Variants in PREP observed in about 807,000 individuals in gnomAD.
PREP encodes prolyl endopeptidase.
Under a neutral mutation model 87.6 loss-of-function variants are expected in PREP, and 29 were observed. The ratio of observed to expected loss-of-function variants is 0.33; its 90% CI spans 0.25 to 0.45. The LOEUF is 0.45. PREP is among the 20% of genes least tolerant of loss of function. PREP has a pLI of 1.00. For synonymous variants in PREP, 337 were observed against 328.6 expected, an observed-to-expected ratio of 1.03 and a Z score of -0.28; for missense variants, 695 against 886.5, an observed-to-expected ratio of 0.78 and a Z score of 2.74.
At chr6:105,370,947 A>G (rs558087384) in intron 5 of PREP, among the ~76,000 whole-genome samples, 13 of 152,350 alleles carry the variant, frequency 8.5e-5, no homozygotes, top group Non-Finnish European at 1.8e-4. Context: ...CACTGGATAC[A>G]TGTCACTATA....
At chr6:105,368,794 C>T in intron 6 of PREP, 109 bp downstream of exon 6, 1 of 1,288,292 alleles carries the variant, frequency 7.8e-7, no homozygotes, top group South Asian at 1.6e-5. Context: ...AAAGAATATT[C>T]ACTCATGGGA....
intron 7 of PREP, among the ~76,000 whole-genome samples, chr6:105,352,539 C>T (rs1187471169): frequency 6.6e-6 from 1 of 152,108 alleles, no homozygotes; most frequent in Non-Finnish European, 1.5e-5. Context: ...ATTTTAAAGA[C>T]AGGGTCTGGC....
intron 7 of PREP, among the ~76,000 whole-genome samples, chr6:105,341,538 A>C (rs1433586842): frequency 1.3e-5 from 2 of 152,250 alleles, no homozygotes; most frequent in Non-Finnish European, 1.5e-5. Context: ...AATTAAGATC[A>C]GAGAAGAACT....
intron 12 of PREP, 94 bp downstream of exon 12, chr6:105,285,392 T>G (rs1770170709): frequency 7.7e-7 from 1 of 1,303,414 alleles, no homozygotes. Context: ...GCTTTCCTGC[T>G]CCAAACCCCT....
At chr6:105,315,455 G>A (rs544124649) in intron 10 of PREP, among the ~76,000 whole-genome samples, 1 of 152,304 alleles carries the variant, frequency 6.6e-6, no homozygotes, top group East Asian at 1.9e-4. Context: ...ACAGGCATGA[G>A]TCACTGTGCC....
rs1050636606 is a variant in PREP, at chr6:105,368,969, G to A, written c.651C>T (p.Thr217=). The A allele has an allele frequency of 6.8e-6, 11 of 1,613,832 alleles. No homozygotes were observed. Among genetic ancestry groups the A allele is most frequent in the Admixed American group, 1.7e-5 (1 of 60,002 alleles). The change falls in exon 6 of 15, where the codon ACC becomes ACT. Residue 217 remains threonine, a synonymous_variant. Transcript: ENST00000652536. ...CACACAAAATATCTTCTGACTGATC[G>A]GTTCCCAAGACATGGTAGTAGAGCT... The part of the protein sequence containing the change: ...HQKLYYHVLG[T]DQSEDILCAE...
At chr6:105,335,410 A>G (rs1265818361) in intron 7 of PREP, among the ~76,000 whole-genome samples, 1 of 152,174 alleles carries the variant, frequency 6.6e-6, no homozygotes, top group African/African-American at 2.4e-5. Context: ...TCTCTGCAGC[A>G]TATCTTCATA....
Position 105,277,914 on chromosome 6 carries a change from C to T in PREP, c.*230G>A, listed in dbSNP as rs1384693471. On this transcript the variant is annotated 3_prime_UTR_variant, in exon 15 of 15. Transcript: ENST00000652536. Reference sequence around the variant, plus strand: ...TCCCAACATGCCCTTAAAAAAAACACCAAAAAACCACATGTGCCTAGACAG... The same window carrying T: ...TCCCAACATGCCCTTAAAAAAAACATCAAAAAACCACATGTGCCTAGACAG... The T allele has an allele frequency of 6.7e-6, 4 of 593,042 alleles. No individual in the cohort carries two copies. Among genetic ancestry groups the T allele is most frequent in the Admixed American group, 6.8e-5 (2 of 29,284 alleles). 36.7% of individuals were successfully genotyped at this position (593,042 alleles called of 1,614,324 possible). A position where few individuals can be genotyped will look rare whatever the true frequency, so the allele number is the denominator to read the frequency against.
chr6:105,335,210 G>C (rs2114661346), intron 7 of PREP, among the ~76,000 whole-genome samples: 1 of 152,290 alleles, frequency 6.6e-6, no homozygotes, highest in African/African-American at 2.4e-5. Context: ...ATGATGTTCA[G>C]AGAACACCTC....
At chr6:105,321,434 C>T (rs1301177145) in intron 10 of PREP, among the ~76,000 whole-genome samples, 3 of 152,220 alleles carry the variant, frequency 2.0e-5, no homozygotes, top group Non-Finnish European at 4.4e-5. Context: ...CTGGCAGCGC[C>T]GAAGCGCATG....
intron 13 of PREP, 91 bp from the exon 14 acceptor site, chr6:105,281,993 A>C: frequency 7.6e-6 from 11 of 1,453,860 alleles, no homozygotes; most frequent in Non-Finnish European, 1.0e-5. Flanking sequence ...ACATGCTTCC[A>C]GAGCCCTGGT....
intron 2 of PREP, among the ~76,000 whole-genome samples, chr6:105,393,650 G>C (rs1773217839): frequency 6.6e-6 from 1 of 150,692 alleles, no homozygotes; most frequent in African/African-American, 2.4e-5. Flanking sequence ...CCACATTAAG[G>C]AAAAAAAAAT....
At chr6:105,280,028 T>TA (rs920513421) in intron 14 of PREP, among the ~76,000 whole-genome samples, 10 of 152,190 alleles carry the variant, frequency 6.6e-5, no homozygotes, top group African/African-American at 2.2e-4. Context: ...TGTTTCCCCT[T>TA]AGAGAATAGA....
At position 105,323,692 on chromosome 6, in the gene PREP, A is replaced by T. The variant is rs149148315; in HGVS notation, c.1290T>A (p.Ile430=). The T allele has an allele frequency of 3.7e-6, 6 of 1,612,652 alleles. No individual in the cohort carries two copies. The highest frequency in any genetic ancestry group is 5.1e-6 in the Non-Finnish European group (6 of 1,178,608). ...RVFREVTVKG[I]DASDYQTVQI... ...GGACTGTCTGGTAATCAGAAGCATC[A>T]ATTCCTTTTACGGTCACCTCTCGGA... Residue 430 remains isoleucine (I), a synonymous_variant, in exon 10 of 15, where the codon ATT becomes ATA. Coordinates refer to ENST00000652536, the MANE Select transcript of PREP (RefSeq NM_002726.5).
intron 7 of PREP, among the ~76,000 whole-genome samples, chr6:105,336,009 G>C (rs990161836): frequency 2.0e-5 from 3 of 152,366 alleles, no homozygotes; most frequent in Non-Finnish European, 2.9e-5. Flanking sequence ...TGTAATCCCA[G>C]AACTTCGGGA....
chr6:105,318,728 CTCA>C (rs1562197539), intron 10 of PREP, among the ~76,000 whole-genome samples: 1 of 152,164 alleles, frequency 6.6e-6, no homozygotes, highest in African/African-American at 2.4e-5. Context: ...AGAGTGACCC[CTCA>C]GAAAGTTTCT....
In PREP at chr6:105,274,426, C is replaced by T. The variant is rs1769894292; in HGVS notation, c.*3718G>A. On this transcript the variant is annotated 3_prime_UTR_variant, in exon 15 of 15. Transcript: ENST00000652536. ...ATCACTTTGGGATTTACGATTTCAACATATACATTTCGGGGAGGACATAAA... is the reference window on the plus strand; with the variant it reads ...ATCACTTTGGGATTTACGATTTCAATATATACATTTCGGGGAGGACATAAA... Among the ~76,000 whole-genome samples, 1 of 152,174 alleles carries T rather than the reference C, an allele frequency of 6.6e-6. No individual in the cohort carries two copies.
intron 6 of PREP, among the ~76,000 whole-genome samples, chr6:105,362,981 T>A (rs1168723189): frequency 6.6e-6 from 1 of 151,904 alleles, no homozygotes; most frequent in Admixed American, 6.6e-5. Flanking sequence ...ATGGGAAGAG[T>A]AAGGAAATTA....
Position 105,331,762 on chromosome 6 carries a change from G to A in PREP, c.1015+1552C>T, listed in dbSNP as rs79826419. Among the ~76,000 whole-genome samples, 293 of 152,318 alleles carry A rather than the reference G, an allele frequency of 1.9e-3. 2 individuals carry two copies. Among genetic ancestry groups the A allele is most frequent in the African/African-American group, 6.5e-3 (270 of 41,562 alleles). ...TGGTCAAAAATCTGTTCTGTGACTC[G>A]TGGGTCCCTCGTCCAAATATAAATA... On this transcript the variant is annotated intron_variant, in intron 8 of 14. Coordinates refer to ENST00000652536, the MANE Select transcript of PREP (RefSeq NM_002726.5).
Sources: allele counts gnomAD v4.1 joint callset (sites outside exome capture counted in the v4.1 genomes callset), GRCh38; gene constraint gnomAD v4.1.1; transcripts MANE v1.5; gene names NCBI Gene and HGNC (gene_info 2026-07-23, HGNC 2026-07-21).